The following UNC5C variants were observed in gnomAD, a reference collection of about 807,000 sequenced individuals.
UNC5C encodes netrin receptor UNC5C.
A neutral mutation model predicts 99.8 loss-of-function variants in UNC5C; 47 were observed. The ratio of observed to expected loss-of-function variants is 0.47; its 90% CI spans 0.37 to 0.60. The LOEUF (loss-of-function observed/expected upper bound fraction) is 0.60, where lower values mean the gene tolerates loss of function less well. Ranked by LOEUF, UNC5C falls within the 20% of genes least tolerant of loss-of-function variation. The pLI, the probability that UNC5C is intolerant of heterozygous loss-of-function variation, is 0.00. For synonymous variants in UNC5C, 487 were observed against 452.2 expected (o/e 1.08, Z -0.98); for missense variants, 1,062 against 1,165.9 (o/e 0.91, Z 1.30).
chr4:95,395,161 T>C (rs550740477), intron 1 of UNC5C, among the ~76,000 whole-genome samples: 33 of 152,184 alleles, frequency 2.2e-4, no homozygotes, highest in Non-Finnish European at 4.7e-4. Context: ...GCCCATATTA[T>C]GGATAGTATT....
chr4:95,437,133 C>T (rs2149462228), intron 1 of UNC5C, among the ~76,000 whole-genome samples: 1 of 151,802 alleles, frequency 6.6e-6, no homozygotes, highest in South Asian at 2.1e-4. Context: ...TCAGTAAAAG[C>T]ATAGCTGAAC....
intron 2 of UNC5C, among the ~76,000 whole-genome samples, chr4:95,332,408 A>T (rs964788475): frequency 6.7e-5 from 10 of 148,750 alleles, no homozygotes; most frequent in African/African-American, 2.4e-4. Flanking sequence ...GCCCTCAGAA[A>T]TAATGCCACA....
At chr4:95,401,479 T>G (rs1295395009) in intron 1 of UNC5C, among the ~76,000 whole-genome samples, 1 of 151,962 alleles carries the variant, frequency 6.6e-6, no homozygotes, top group Non-Finnish European at 1.5e-5. Context: ...GGTTTTTTTG[T>G]AGCTTTTTGC....
intron 1 of UNC5C, among the ~76,000 whole-genome samples, chr4:95,399,438 G>A (rs1038380996): frequency 3.9e-5 from 6 of 152,104 alleles, no homozygotes; most frequent in African/African-American, 1.4e-4. Flanking sequence ...TTTTCAAATT[G>A]GATTATGTCA....
chr4:95,427,013 A>C (rs1448842474), intron 1 of UNC5C, among the ~76,000 whole-genome samples: 2 of 152,252 alleles, frequency 1.3e-5, no homozygotes, highest in Non-Finnish European at 2.9e-5. Flanking sequence ...TATTGGAAGA[A>C]GATGCCATGT....
chr4:95,356,894 G>C (rs565453582), intron 1 of UNC5C, among the ~76,000 whole-genome samples: 1 of 152,058 alleles, frequency 6.6e-6, no homozygotes, highest in African/African-American at 2.4e-5. Flanking sequence ...AAACTGTCTC[G>C]TTTTATATAA....
At chr4:95,467,753 A>C (rs1325923750) in intron 1 of UNC5C, among the ~76,000 whole-genome samples, 1 of 152,298 alleles carries the variant, frequency 6.6e-6, no homozygotes, top group East Asian at 1.9e-4. Context: ...TCATTCTCCA[A>C]ATCTTAACTA....
intron 1 of UNC5C, among the ~76,000 whole-genome samples, chr4:95,412,400 C>T (rs970612833): frequency 6.6e-6 from 1 of 152,118 alleles, no homozygotes; most frequent in Admixed American, 6.5e-5. Flanking sequence ...TTTCTTTTCT[C>T]ACACTTGATG....
At chr4:95,193,548 A>C (rs901566265) in intron 12 of UNC5C, among the ~76,000 whole-genome samples, 12 of 152,198 alleles carry the variant, frequency 7.9e-5, no homozygotes, top group Admixed American at 7.8e-4. Context: ...AAAAAAAATC[A>C]CATCTGCCAT....
intron 1 of UNC5C, among the ~76,000 whole-genome samples, chr4:95,503,605 T>G (rs1721835361): frequency 6.6e-6 from 1 of 152,174 alleles, no homozygotes; most frequent in African/African-American, 2.4e-5. Context: ...GACACAAACC[T>G]TCTGAAAGAA....
rs185950726 is a variant in UNC5C at position 95,434,887 on chromosome 4, A to G, written c.125-99256T>C. On this transcript the variant is annotated intron_variant, in intron 1 of 15. Transcript: ENST00000453304. ...GGCCACAGAGGCACTGCAGTTTGTCAAAGCCCATTCCCTACCAATATTTGT... is the reference window on the plus strand; with the variant it reads ...GGCCACAGAGGCACTGCAGTTTGTCGAAGCCCATTCCCTACCAATATTTGT... Among the ~76,000 whole-genome samples, 56 of 152,180 alleles carry G rather than the reference A, an allele frequency of 3.7e-4. 1 individual carries two copies. Among genetic ancestry groups the G allele is most frequent in the East Asian group, 3.1e-3 (16 of 5,168 alleles).
intron 3 of UNC5C, among the ~76,000 whole-genome samples, chr4:95,289,300 C>T (rs1741357384): frequency 6.6e-6 from 1 of 152,122 alleles, no homozygotes; most frequent in Non-Finnish European, 1.5e-5. Flanking sequence ...AGCCAAACTC[C>T]AAATATCAGA....
At position 95,501,170 on chromosome 4, in the gene UNC5C, G is replaced by A. The variant is rs186793962; in HGVS notation, c.124+47564C>T. ...AGTTCTTGGAAGGTGCTTTATAGAC[G>A]CAATAAATACATGATAGTACAATTA... On this transcript the variant is annotated intron_variant, in intron 1 of 15. Transcript: ENST00000453304. Among the ~76,000 whole-genome samples, 1,037 of 152,106 alleles carry A rather than the reference G, an allele frequency of 6.8e-3. 6 individuals carry two copies. The highest frequency in any genetic ancestry group is 0.011 in the Non-Finnish European group (761 of 67,944).
At position 95,548,963 on chromosome 4, in the gene UNC5C, G is replaced by T; in HGVS notation, c.-106C>A. On this transcript the variant is annotated 5_prime_UTR_variant, in exon 1 of 16. Coordinates refer to ENST00000453304, the MANE Select transcript of UNC5C (RefSeq NM_003728.4). ...GAATCCGTGCACCGCGAAGCAGTCC[G>T]AAGAAATAACGACAACCAAGCGCCA... is the stretch of plus-strand genomic sequence containing the variant. The T allele has an allele frequency of 6.9e-7, 1 of 1,453,330 alleles. No homozygotes were observed. The highest frequency in any genetic ancestry group is 1.9e-5 in the Admixed American group (1 of 52,284). 90.0% of individuals were successfully genotyped at this position (1,453,330 alleles called of 1,614,324 possible). A position where few individuals can be genotyped will look rare whatever the true frequency, so the allele number is the denominator to read the frequency against.
chr4:95,192,135 T>C, intron 12 of UNC5C, among the ~76,000 whole-genome samples: 1 of 116,738 alleles, frequency 8.6e-6, no homozygotes, highest in African/African-American at 3.3e-5. Context: ...CTCATCCTCC[T>C]CCCATGCTCA....
At chr4:95,504,014 A>T (rs1721845605) in intron 1 of UNC5C, among the ~76,000 whole-genome samples, 1 of 152,128 alleles carries the variant, frequency 6.6e-6, no homozygotes, top group Admixed American at 6.6e-5. Context: ...TTAATCAATC[A>T]CCACTATGTA....
intron 6 of UNC5C, 65 bp downstream of exon 6, chr4:95,244,912 A>G (rs1739447066): frequency 6.3e-7 from 1 of 1,590,984 alleles, no homozygotes; most frequent in South Asian, 1.1e-5. Flanking sequence ...CTGTGTATCT[A>G]TTCTCTAAAA....
chr4:95,205,211 C>T (rs186467695), intron 11 of UNC5C, among the ~76,000 whole-genome samples: 148 of 152,168 alleles, frequency 9.7e-4, no homozygotes, highest in Non-Finnish European at 7.8e-4. Flanking sequence ...TTGTTAATGT[C>T]GTTGTTATTG....
At chr4:95,199,451 G>T (rs1737563615) in intron 12 of UNC5C, among the ~76,000 whole-genome samples, 1 of 152,060 alleles carries the variant, frequency 6.6e-6, no homozygotes, top group Non-Finnish European at 1.5e-5. Context: ...TTTGTTTCAG[G>T]CTAAGTGCTA....
Sources: gnomAD v4.1 joint callset for allele counts (sites outside exome capture counted in the v4.1 genomes callset) on GRCh38, gnomAD v4.1.1 for gene constraint, MANE v1.5 for transcripts, NCBI Gene and HGNC (gene_info 2026-07-23, HGNC 2026-07-21) for gene names.